Variants in MOB3B observed in about 807,000 individuals in gnomAD.
The protein encoded by MOB3B is MOB kinase activator-like 2B.
A neutral mutation model predicts 18.7 loss-of-function variants in MOB3B; 7 were observed. The observed-to-expected ratio is 0.37, with a 90% confidence interval of 0.21 to 0.70. The LOEUF is 0.70. MOB3B is among the 30% of genes least tolerant of loss of function. The probability of loss-of-function intolerance (pLI) is 0.52; values close to 1 mark genes in which losing one functional copy is unlikely to be tolerated. For synonymous variants in MOB3B, 111 were observed against 99.9 expected (o/e 1.11, Z -0.66); for missense variants, 253 against 281.3 (o/e 0.90, Z 0.72).
chr9:27,352,647 C>T (rs1046044339), intron 3 of MOB3B, among the ~76,000 whole-genome samples: 3 of 152,074 alleles, frequency 2.0e-5, no homozygotes, highest in African/African-American at 7.2e-5. Context: ...CCTCTCCATG[C>T]GGCAGTGGTG....
In MOB3B at chr9:27,330,546, A is replaced by G. The variant is rs1820771019; in HGVS notation, c.*41T>C. 2 of 1,613,408 alleles carry G rather than the reference A, an allele frequency of 1.2e-6. No homozygotes were observed. The highest frequency in any genetic ancestry group is 1.7e-6 in the Non-Finnish European group (2 of 1,179,750). ...CCTCCTGCCCGCTCAGGGCACCAGG[A>G]GGAAACAGCTTTCCTTTCTTCCAAA... On this transcript the variant is annotated 3_prime_UTR_variant, in exon 4 of 4. Coordinates refer to ENST00000262244, the MANE Select transcript of MOB3B (RefSeq NM_024761.5).
rs185119965 is a variant in MOB3B at position 27,462,532 on chromosome 9, A to G, written c.-198-6784T>C. On this transcript the variant is annotated intron_variant, in intron 1 of 3. Transcript: ENST00000262244. ...TGAACCTTGAACGGATATTGAGATAAGTATTTTTACTTTATAAAGCATGGG... is the reference window on the plus strand; with the variant it reads ...TGAACCTTGAACGGATATTGAGATAGGTATTTTTACTTTATAAAGCATGGG... Among the ~76,000 whole-genome samples the G allele has an allele frequency of 1.8e-3, 276 of 152,320 alleles. 1 individual carries two copies. The highest frequency in any genetic ancestry group is 6.8e-3 in the Middle Eastern group (2 of 294).
At chr9:27,440,579 C>T (rs1433209394) in intron 2 of MOB3B, among the ~76,000 whole-genome samples, 1 of 151,986 alleles carries the variant, frequency 6.6e-6, no homozygotes, top group Non-Finnish European at 1.5e-5. Context: ...GGTGGTCCAC[C>T]ACTCTCTAAT....
chr9:27,455,381 T>C lies in MOB3B; in HGVS notation c.170A>G (p.Asn57Ser). Residue 57 changes from asparagine to serine, a missense_variant, in exon 2 of 4, where the codon AAT (asparagine) becomes AGT (serine). Transcript: ENST00000262244. The stretch of plus-strand genomic sequence containing the variant: ...CACCACATGTACTGCCACCCAGTCA[T>C]TCTGGTCCTCCCCACTGGGCAACTG... Reference protein sequence around the residue: ...AVQLPSGEDQNDWVAVHVVDF... With the variant: ...AVQLPSGEDQSDWVAVHVVDF... 1.2e-6 allele frequency: 2 copies of C among 1,614,146 alleles called. No homozygotes were observed. Among genetic ancestry groups the C allele is most frequent in the Non-Finnish European group, 8.5e-7 (1 of 1,180,018 alleles).
rs1451321489 is a variant in MOB3B, at chr9:27,359,132, C to T, written c.523G>A (p.Val175Met). The T allele has an allele frequency of 6.2e-7, 1 of 1,613,978 alleles. No homozygotes were observed. Among genetic ancestry groups the T allele is most frequent in the African/African-American group, 1.3e-5 (1 of 74,874 alleles). ...TTGACATGGGCCTCTGCACCCATCA[C>T]AATGACCCGGTCGAAGTGGTGGATA... ...VYIHHFDRVI[V>M]MGAEAHVNTC... The change falls in exon 3 of 4, where the codon GTG becomes ATG. Residue 175 changes from valine to methionine, a missense_variant. Val to Met is a conservative substitution (Grantham distance 21, BLOSUM62 1). Transcript: ENST00000262244.
intron 2 of MOB3B, among the ~76,000 whole-genome samples, chr9:27,434,307 T>C (rs1186989773): frequency 6.6e-6 from 1 of 152,148 alleles, no homozygotes; most frequent in Non-Finnish European, 1.5e-5. Context: ...AGCATCTCTT[T>C]CCTCTGCTCA....
intron 2 of MOB3B, among the ~76,000 whole-genome samples, chr9:27,384,816 C>T (rs551837073): frequency 1.1e-3 from 168 of 152,294 alleles, no homozygotes; most frequent in African/African-American, 3.6e-3. Context: ...GGAACTGAGA[C>T]GGGTCCTTCT....
Position 27,529,722 on chromosome 9 carries a change from C to A in MOB3B, c.-366G>T. 1 of 985,414 alleles carries A rather than the reference C, an allele frequency of 1.0e-6. No homozygotes were observed. 61.0% of individuals were successfully genotyped at this position (985,414 alleles called of 1,614,324 possible). ...AGGTCCCGGCGAGCCAACCGGCGGA[C>A]GGGCGAGCGCCTGGCTCCAGCTGCA... On this transcript the variant is annotated 5_prime_UTR_variant, in exon 1 of 4. Coordinates refer to ENST00000262244, the MANE Select transcript of MOB3B (RefSeq NM_024761.5).
intron 1 of MOB3B, among the ~76,000 whole-genome samples, chr9:27,527,230 G>A (rs1317986935): frequency 6.6e-6 from 1 of 152,106 alleles, no homozygotes; most frequent in Non-Finnish European, 1.5e-5. Flanking sequence ...GATGCCTTTG[G>A]GTACTTCTTG....
intron 2 of MOB3B, among the ~76,000 whole-genome samples, chr9:27,420,044 A>T (rs1338883183): frequency 6.6e-6 from 1 of 152,180 alleles, no homozygotes; most frequent in Non-Finnish European, 1.5e-5. Flanking sequence ...GCCAACAAAC[A>T]TGAAAAAAAA....
At position 27,529,693 on chromosome 9, in the gene MOB3B, C is replaced by G. The variant is rs1268158536; in HGVS notation, c.-337G>C. On this transcript the variant is annotated 5_prime_UTR_variant, in exon 1 of 4. Transcript: ENST00000262244. ...CACGCAAGGGACTCTGCCGCCGGTG[C>G]GCGAGGTCCCGGCGAGCCAACCGGC... 1 of 985,392 alleles carries G rather than the reference C, an allele frequency of 1.0e-6. No individual in the cohort carries two copies. Among genetic ancestry groups the G allele is most frequent in the Non-Finnish European group, 1.2e-6 (1 of 829,926 alleles). 61.0% of individuals were successfully genotyped at this position (985,392 alleles called of 1,614,324 possible).
chr9:27,346,839 A>G (rs1488562105), intron 3 of MOB3B, among the ~76,000 whole-genome samples: 2 of 152,248 alleles, frequency 1.3e-5, no homozygotes, highest in African/African-American at 4.8e-5. Context: ...TACTAAAAAT[A>G]CAAAAAATTA....
intron 1 of MOB3B, among the ~76,000 whole-genome samples, chr9:27,465,062 C>T (rs1819358570): frequency 1.3e-5 from 2 of 152,278 alleles, no homozygotes; most frequent in Non-Finnish European, 2.9e-5. Flanking sequence ...CCAACAGTCA[C>T]CCAAAGTCTT....
chr9:27,457,069 C>T (rs1048866303), intron 1 of MOB3B, among the ~76,000 whole-genome samples: 1 of 152,178 alleles, frequency 6.6e-6, no homozygotes, highest in South Asian at 2.1e-4. Context: ...CTAACAAGAT[C>T]CCATAGCTAG....
At chr9:27,405,306 C>G (rs549072089) in intron 2 of MOB3B, among the ~76,000 whole-genome samples, 5 of 151,972 alleles carry the variant, frequency 3.3e-5, no homozygotes, top group Non-Finnish European at 5.9e-5. Flanking sequence ...CAGGGCTTCA[C>G]CATATTGGCT....
intron 3 of MOB3B, chr9:27,358,736 A>C: frequency 1.8e-6 from 1 of 563,320 alleles, no homozygotes. Context: ...TAAGGAATTC[A>C]ATAAGTGGAA....
chr9:27,370,284 A>G (rs1005198190), intron 2 of MOB3B, among the ~76,000 whole-genome samples: 2 of 152,064 alleles, frequency 1.3e-5, no homozygotes, highest in Non-Finnish European at 2.9e-5. Context: ...TAAGGTGGGC[A>G]GATCACCTGA....
intron 1 of MOB3B, among the ~76,000 whole-genome samples, chr9:27,506,016 T>C (rs1326215560): frequency 2.6e-5 from 4 of 152,250 alleles, no homozygotes; most frequent in African/African-American, 9.6e-5. Context: ...GATTGCCACA[T>C]GGAAACTAAA....
At chr9:27,526,435 A>G (rs1440191841) in intron 1 of MOB3B, 1 of 152,252 alleles carries the variant, frequency 6.6e-6, no homozygotes, top group Non-Finnish European at 1.5e-5. Flanking sequence ...ACTGAGCATA[A>G]AATATATACT....
Sources: allele counts gnomAD v4.1 joint callset (sites outside exome capture counted in the v4.1 genomes callset), GRCh38; gene constraint gnomAD v4.1.1; transcripts MANE v1.5; gene names NCBI Gene and HGNC (gene_info 2026-07-23, HGNC 2026-07-21).